The following FGF13 variants were observed in gnomAD, a reference collection of about 807,000 sequenced individuals.
The protein encoded by FGF13 is fibroblast growth factor homologous factor 2.
In FGF13, 2 loss-of-function variants were observed where a neutral mutation model predicts 19.5. That is an observed-to-expected ratio of 0.10 (90% CI 0.04 to 0.32). The LOEUF (loss-of-function observed/expected upper bound fraction) is 0.32. FGF13 is among the 10% of genes least tolerant of loss of function. The probability of loss-of-function intolerance (pLI) is 1.00; values close to 1 mark genes in which losing one functional copy is unlikely to be tolerated. For synonymous variants in FGF13, 72 were observed against 76.9 expected, an observed-to-expected ratio of 0.94 and a Z score of 0.33; for missense variants, 113 against 192.7, an observed-to-expected ratio of 0.59 and a Z score of 2.45.
At chrX:139,018,891 A>C (rs2092165532) in intron 1 of FGF13, among the ~76,000 whole-genome samples, 1 of 110,771 alleles carries the variant, frequency 9.0e-6, no homozygotes, top group South Asian at 3.8e-4. Flanking sequence ...CAGAATTGTC[A>C]AACTATCACC....
At chrX:138,948,405 G>A (rs1034352874) in intron 1 of FGF13, among the ~76,000 whole-genome samples, 1 of 111,937 alleles carries the variant, frequency 8.9e-6, no homozygotes, top group Admixed American at 9.5e-5. Flanking sequence ...CCTACTTTTG[G>A]CCAGGCAGTG....
chrX:138,629,067 C>A lies in FGF13; in HGVS notation c.*3783G>T, dbSNP rs954186780. Reference sequence around the variant, plus strand: ...ACATTAAGTGCCATGCCATAGAACACTGACATTAAGTGCTGTGGCATAGAA... The same window carrying A: ...ACATTAAGTGCCATGCCATAGAACAATGACATTAAGTGCTGTGGCATAGAA... On this transcript the variant is annotated 3_prime_UTR_variant, in exon 5 of 5. Coordinates refer to ENST00000315930, the MANE Select transcript of FGF13 (RefSeq NM_004114.5). The A allele has an allele frequency of 1.8e-5, 2 of 112,006 alleles. No homozygotes were observed. Among genetic ancestry groups the A allele is most frequent in the East Asian group, 5.6e-4 (2 of 3,564 alleles). The allele number at this position is 112,006 out of a possible 1,213,427, so 9.2% of individuals were successfully genotyped here. A position where few individuals can be genotyped will look rare whatever the true frequency, so the allele number is the denominator to read the frequency against.
chrX:138,815,006 T>G (rs1172251821), intron 3 of FGF13, among the ~76,000 whole-genome samples: 9 of 111,313 alleles, frequency 8.1e-5, no homozygotes, highest in Admixed American at 3.8e-4. Flanking sequence ...CAATAATCAG[T>G]GTTAAAATAA....
At chrX:139,029,169 A>G (rs1479021510) in intron 1 of FGF13, among the ~76,000 whole-genome samples, 2 of 111,960 alleles carry the variant, frequency 1.8e-5, no homozygotes, top group African/African-American at 6.5e-5. Flanking sequence ...AATATGCCAG[A>G]TAAGTAAAGT....
At chrX:138,836,945 G>T (rs1161950579) in intron 3 of FGF13, among the ~76,000 whole-genome samples, 1 of 109,461 alleles carries the variant, frequency 9.1e-6, no homozygotes, top group Non-Finnish European at 1.9e-5. Flanking sequence ...GTATTCTGGG[G>T]GTCTGCTCCA....
chrX:139,169,835 C>T (rs1268620827), intron 1 of FGF13, among the ~76,000 whole-genome samples: 1 of 111,767 alleles, frequency 8.9e-6, no homozygotes, highest in African/African-American at 3.3e-5. Flanking sequence ...CGGTGCCCAA[C>T]CATGACAGCA....
chrX:138,834,679 T>A (rs2091099120), intron 3 of FGF13, among the ~76,000 whole-genome samples: 1 of 111,258 alleles, frequency 9.0e-6, no homozygotes, highest in Non-Finnish European at 1.9e-5. Flanking sequence ...TGATTTTGGT[T>A]ATTTCTTGTC....
At chrX:138,689,845 A>G (rs1291937368) in intron 3 of FGF13, among the ~76,000 whole-genome samples, 1 of 112,269 alleles carries the variant, frequency 8.9e-6, no homozygotes, top group Non-Finnish European at 1.9e-5. Flanking sequence ...GATCAGAGAT[A>G]GCAGTTAAAG....
intron 3 of FGF13, among the ~76,000 whole-genome samples, chrX:138,812,100 C>G (rs2090930522): frequency 9.0e-6 from 1 of 111,325 alleles, no homozygotes; most frequent in African/African-American, 3.3e-5. Flanking sequence ...CCTGCAAGCA[C>G]TAACCTACCA....
At chrX:138,831,061 C>T (rs2091069777) in intron 3 of FGF13, among the ~76,000 whole-genome samples, 1 of 110,893 alleles carries the variant, frequency 9.0e-6, no homozygotes, top group Non-Finnish European at 1.9e-5. Flanking sequence ...CAGCTGTGGC[C>T]CAAGTGAGCT....
chrX:138,791,331 G>T lies in FGF13; in HGVS notation c.217+66181C>A, dbSNP rs146562990. Among the ~76,000 whole-genome samples, 24 of 112,101 alleles carry T rather than the reference G, an allele frequency of 2.1e-4. No individual in the cohort carries two copies. In the East Asian group the frequency reaches 6.5e-3, roughly 30 times the overall value. On this transcript the variant is annotated intron_variant, in intron 3 of 6. Coordinates refer to the FGF13 transcript ENST00000436198. ...TCATAAGTACCAACTGATGGCTGTA[G>T]TTAGTCACTGTCTGTTGAATAAACG... is the stretch of plus-strand genomic sequence containing the variant.
intron 3 of FGF13, among the ~76,000 whole-genome samples, chrX:138,839,732 G>C (rs905539600): frequency 1.8e-5 from 2 of 111,676 alleles, no homozygotes; most frequent in Non-Finnish European, 3.8e-5. Context: ...TTTGTCAATA[G>C]AGAATATAAA....
chrX:139,002,278 T>C lies in FGF13; in HGVS notation c.-112-137628A>G, dbSNP rs186202228. Among the ~76,000 whole-genome samples the C allele has an allele frequency of 3.6e-4, 40 of 111,281 alleles. 1 individual carries two copies. Among genetic ancestry groups the C allele is most frequent in the African/African-American group, 1.1e-3 (35 of 30,547 alleles). On this transcript the variant is annotated intron_variant, in intron 1 of 2. Coordinates refer to the FGF13 transcript ENST00000421460. Reference sequence around the variant, plus strand: ...GGGTGTAGCAAACTCACATGTCACATGTATACCTATGTAAACAAACATGCA... The same window carrying C: ...GGGTGTAGCAAACTCACATGTCACACGTATACCTATGTAAACAAACATGCA...
intron 1 of FGF13, among the ~76,000 whole-genome samples, chrX:139,058,185 G>T (rs752138648): frequency 8.9e-6 from 1 of 111,960 alleles, no homozygotes; most frequent in African/African-American, 3.2e-5. Context: ...AGGAAAAGGC[G>T]CAGTGTAGCT....
chrX:138,776,421 A>T (rs183262630), intron 3 of FGF13, among the ~76,000 whole-genome samples: 133 of 111,917 alleles, frequency 1.2e-3, no homozygotes, highest in African/African-American at 4.2e-3. Flanking sequence ...GCATTTTCAA[A>T]TATTAACTCA....
chrX:138,980,514 T>G (rs1843995272), intron 1 of FGF13, among the ~76,000 whole-genome samples: 1 of 111,874 alleles, frequency 8.9e-6, no homozygotes, highest in Non-Finnish European at 1.9e-5. Context: ...AAAAACCAAA[T>G]TTTGCATTAG....
intron 1 of FGF13, among the ~76,000 whole-genome samples, chrX:139,181,561 A>G (rs1186577792): frequency 5.3e-5 from 6 of 112,488 alleles, no homozygotes; most frequent in African/African-American, 1.9e-4. Context: ...GGAAATGAAC[A>G]CAAGGAAGGG....
chrX:138,818,547 C>T (rs982973598), intron 3 of FGF13, among the ~76,000 whole-genome samples: 1 of 99,327 alleles, frequency 1.0e-5, no homozygotes, highest in African/African-American at 3.7e-5. Context: ...CACACACACT[C>T]ATATGCTAGA....
chrX:138,920,442 T>G (rs1342503333), intron 1 of FGF13, among the ~76,000 whole-genome samples: 2 of 111,509 alleles, frequency 1.8e-5, no homozygotes, highest in Admixed American at 9.5e-5. Flanking sequence ...ATAAAGGTTG[T>G]TCCTTCCTAT....
Sources: allele counts gnomAD v4.1 joint callset (sites outside exome capture counted in the v4.1 genomes callset), GRCh38; gene constraint gnomAD v4.1.1; transcripts MANE v1.5; gene names NCBI Gene and HGNC (gene_info 2026-07-23, HGNC 2026-07-21).